Variants in ERLEC1 observed in about 807,000 individuals in gnomAD.
ERLEC1 encodes endoplasmic reticulum lectin 1.
Under a neutral mutation model 68.0 loss-of-function variants are expected in ERLEC1, and 47 were observed. That is an observed-to-expected ratio of 0.69 (90% CI 0.55 to 0.88). The LOEUF is 0.88. ERLEC1 is among the 40% of genes least tolerant of loss of function. ERLEC1 has a pLI of 0.00. For missense variants in ERLEC1, 567 were observed against 583.8 expected (o/e 0.97, Z 0.30); for synonymous variants, 225 against 203.2 (o/e 1.11, Z -0.91).
chr2:53,815,249 A>C (rs550227616), intron 13 of ERLEC1, among the ~76,000 whole-genome samples: 1 of 151,602 alleles, frequency 6.6e-6, no homozygotes, highest in East Asian at 1.9e-4. Flanking sequence ...CAGGTGATCC[A>C]CCCACCTCAG....
chr2:53,817,998 A>G lies in ERLEC1; in HGVS notation c.*29A>G. ...ATATTAAAGTTAGGGGAAAGAAAAG[A>G]TCATTGAAAGTCATGATAATTTCTG... On this transcript the variant is annotated 3_prime_UTR_variant, in exon 14 of 14. Transcript: ENST00000185150. 1 of 1,332,346 alleles carries G rather than the reference A, an allele frequency of 7.5e-7. No homozygotes were observed. Among genetic ancestry groups the G allele is most frequent in the East Asian group, 2.3e-5 (1 of 43,384 alleles). The allele number at this position is 1,332,346 out of a possible 1,614,324, so 82.5% of individuals were successfully genotyped here.
chr2:53,787,436 C>T (rs745916127), intron 1 of ERLEC1, 64 bp downstream of exon 1: 322 of 1,519,628 alleles, frequency 2.1e-4, no homozygotes, highest in Non-Finnish European at 2.8e-4. Context: ...GGCCTCTTCC[C>T]TCGGTTTTCT....
At chr2:53,802,111 C>G (rs1676038679) in intron 8 of ERLEC1, among the ~76,000 whole-genome samples, 1 of 151,952 alleles carries the variant, frequency 6.6e-6, no homozygotes, top group African/African-American at 2.4e-5. Context: ...AGGTATTTGT[C>G]CCAGCTAACC....
rs1362406464 is a variant in ERLEC1, at chr2:53,789,223, A to T, written c.162+1851A>T. On this transcript the variant is annotated intron_variant, in intron 1 of 13. Transcript: ENST00000185150. The stretch of plus-strand genomic sequence containing the variant: ...AGCCTGACCAACGTGGTGAAACCCC[A>T]TCTCTACTAAAAACACAAAAATTAG... 2.0e-5 allele frequency among the ~76,000 whole-genome samples: 3 copies of T among 151,890 alleles called. No homozygotes were observed. The East Asian group carries it at 5.8e-4, about 29-fold the overall frequency.
intron 1 of ERLEC1, among the ~76,000 whole-genome samples, chr2:53,789,208 AC>A (rs1172978360): frequency 6.6e-6 from 1 of 151,988 alleles, no homozygotes; most frequent in Non-Finnish European, 1.5e-5. Flanking sequence ...AGCCTGACCA[AC>A]GTGGTGAAAC....
At chr2:53,788,817 G>C (rs1675222835) in intron 1 of ERLEC1, 1 of 152,110 alleles carries the variant, frequency 6.6e-6, no homozygotes, top group Non-Finnish European at 1.5e-5. Flanking sequence ...ACTTTAGCAG[G>C]CTTGGAAGAG....
intron 9 of ERLEC1, among the ~76,000 whole-genome samples, 163 bp downstream of exon 9, chr2:53,808,623 T>G (rs1676427756): frequency 6.6e-6 from 1 of 152,188 alleles, no homozygotes; most frequent in South Asian, 2.1e-4. Context: ...ACCCCCACGT[T>G]TCTGTAATCT....
At chr2:53,805,289 C>T (rs746829298) in intron 8 of ERLEC1, among the ~76,000 whole-genome samples, 14 of 152,166 alleles carry the variant, frequency 9.2e-5, no homozygotes, top group East Asian at 3.9e-4. Flanking sequence ...TCCCAAAGTA[C>T]GGGATTACAG....
chr2:53,797,496 A>AT lies in ERLEC1; in HGVS notation c.349-18dup. The AT allele has an allele frequency of 6.3e-7, 1 of 1,589,522 alleles. No homozygotes were observed. Among genetic ancestry groups the AT allele is most frequent in the Non-Finnish European group, 8.6e-7 (1 of 1,164,808 alleles). ...AGTTATGTGGCTTTTGTGCATTGAA[A>AT]TATATCCATCTTTTTTAGATTGAGT... On this transcript the variant is annotated intron_variant, in intron 3 of 13. Coordinates refer to ENST00000185150, the MANE Select transcript of ERLEC1 (RefSeq NM_015701.5).
chr2:53,795,762 T>A (rs996252297), intron 2 of ERLEC1, among the ~76,000 whole-genome samples, 171 bp from the exon 3 acceptor site: 1 of 152,204 alleles, frequency 6.6e-6, no homozygotes, highest in Non-Finnish European at 1.5e-5. Context: ...TATTTTATAC[T>A]TCAGTTATTT....
At chr2:53,797,627 TATAAG>T (rs1675784781) in intron 4 of ERLEC1, 35 bp downstream of exon 4, 2 of 1,579,640 alleles carry the variant, frequency 1.3e-6, no homozygotes, top group Admixed American at 1.7e-5. Context: ...TATGAAACAT[TATAAG>T]ATGAGAACTT....
intron 3 of ERLEC1, among the ~76,000 whole-genome samples, chr2:53,796,866 G>A (rs1263540325): frequency 7.0e-6 from 1 of 143,710 alleles, no homozygotes; most frequent in Non-Finnish European, 1.5e-5. Flanking sequence ...ATGTTTTTCA[G>A]TTCAAAATAA....
intron 2 of ERLEC1, among the ~76,000 whole-genome samples, chr2:53,795,452 A>C (rs1439749802): frequency 6.6e-6 from 1 of 152,194 alleles, no homozygotes; most frequent in African/African-American, 2.4e-5. Context: ...TGAGACACAC[A>C]CACACACGCA....
intron 8 of ERLEC1, among the ~76,000 whole-genome samples, chr2:53,805,865 T>C (rs958012512): frequency 6.6e-6 from 1 of 152,212 alleles, no homozygotes; most frequent in Non-Finnish European, 1.5e-5. Flanking sequence ...TGATATCTCA[T>C]TGTAGTTTTG....
Position 53,796,774 on chromosome 2 carries a change from T to G in ERLEC1, c.349-741T>G, listed in dbSNP as rs144861964. Among the ~76,000 whole-genome samples, 60 of 152,262 alleles carry G rather than the reference T, an allele frequency of 3.9e-4. No individual in the cohort carries two copies. The East Asian group carries it at 0.011, about 27-fold the overall frequency. On this transcript the variant is annotated intron_variant, in intron 3 of 13. Coordinates refer to ENST00000185150, the MANE Select transcript of ERLEC1 (RefSeq NM_015701.5). Reference sequence around the variant, plus strand: ...TAGTTATTTCTTAATAATATCTTATTCATTTAAATTCCTGTCTAGTGTATG... The same window carrying G: ...TAGTTATTTCTTAATAATATCTTATGCATTTAAATTCCTGTCTAGTGTATG...
chr2:53,818,297 A>C lies in ERLEC1; in HGVS notation c.*328A>C. 1 of 174,644 alleles carries C rather than the reference A, an allele frequency of 5.7e-6. No homozygotes were observed. The highest frequency in any genetic ancestry group is 1.2e-5 in the Non-Finnish European group (1 of 81,788). 10.8% of individuals were successfully genotyped at this position (174,644 alleles called of 1,614,324 possible). ...ATGTCATAATTGTTGTACCTATTGA[A>C]AGTTTTTAAATAATAGATTTATTAT... is the stretch of plus-strand genomic sequence containing the variant. On this transcript the variant is annotated 3_prime_UTR_variant, in exon 14 of 14. Transcript: ENST00000185150.
chr2:53,802,200 C>T (rs1676042276), intron 8 of ERLEC1, among the ~76,000 whole-genome samples: 1 of 152,152 alleles, frequency 6.6e-6, no homozygotes, highest in Admixed American at 6.5e-5. Flanking sequence ...GCCCTTTTAA[C>T]CACTTCTCTA....
intron 8 of ERLEC1, among the ~76,000 whole-genome samples, chr2:53,806,528 T>C (rs1001972584): frequency 6.6e-6 from 1 of 152,188 alleles, no homozygotes; most frequent in Non-Finnish European, 1.5e-5. Context: ...TGCCAAAATA[T>C]AGTAGGCTCT....
At chr2:53,789,245 T>C (rs1219928319) in intron 1 of ERLEC1, among the ~76,000 whole-genome samples, 2 of 151,584 alleles carry the variant, frequency 1.3e-5, no homozygotes, top group Admixed American at 6.6e-5. Flanking sequence ...AACACAAAAA[T>C]TAGCTGGGCG....
Sources: allele counts gnomAD v4.1 joint callset (sites outside exome capture counted in the v4.1 genomes callset), GRCh38; gene constraint gnomAD v4.1.1; transcripts MANE v1.5; gene names NCBI Gene and HGNC (gene_info 2026-07-23, HGNC 2026-07-21).